MGAT4A: variants seen among roughly 807,000 people sequenced by gnomAD.
The protein encoded by MGAT4A is N-acetylglucosaminyltransferase IVa.
A neutral mutation model predicts 74.1 loss-of-function variants in MGAT4A; 33 were observed. The observed-to-expected ratio is 0.45, with a 90% confidence interval of 0.34 to 0.60. The LOEUF is 0.60. Ranked by LOEUF, MGAT4A falls within the 20% of genes least tolerant of loss-of-function variation. MGAT4A has a pLI of 0.02. For synonymous variants in MGAT4A, 198 were observed against 210.4 expected, an observed-to-expected ratio of 0.94 and a Z score of 0.51; for missense variants, 479 against 628.3, an observed-to-expected ratio of 0.76 and a Z score of 2.54.
rs764361186 is a variant in MGAT4A, at chr2:98,635,268, G to T, written c.1422C>A (p.Ser474Arg). Residue 474 changes from serine (S) to arginine (R), a missense_variant, in exon 14 of 16, where the codon AGC becomes AGA. By Grantham distance (110) the Ser-to-Arg change is moderately radical. Around this residue, in one of 3 missense-constraint regions of MGAT4A, gnomAD observed 236 missense variants for 308.2 expected, o/e 0.77. Transcript: ENST00000393487. ...LPFKSEGLEI[S>R]KETKDKRLED... ...CTAATCGTTTGTCTTTGGTTTCTTT[G>T]CTTATTTCCAAACCTTCACTCTAAA... 40 of 1,608,080 alleles carry T rather than the reference G, an allele frequency of 2.5e-5. 1 individual carries two copies. In the South Asian group the frequency reaches 4.3e-4, roughly 17 times the overall value.
At chr2:98,685,714 C>A (rs1702119729) in intron 2 of MGAT4A, among the ~76,000 whole-genome samples, 1 of 152,094 alleles carries the variant, frequency 6.6e-6, no homozygotes, top group South Asian at 2.1e-4. Flanking sequence ...CTCATTGTTT[C>A]CTGAATTTAT....
At chr2:98,686,342 G>A (rs1250300097) in intron 2 of MGAT4A, among the ~76,000 whole-genome samples, 1 of 152,038 alleles carries the variant, frequency 6.6e-6, no homozygotes, top group Non-Finnish European at 1.5e-5. Context: ...TACCAAATCG[G>A]CTATGGTTGA....
chr2:98,679,431 A>C (rs1289066175), intron 2 of MGAT4A, among the ~76,000 whole-genome samples: 2 of 88,806 alleles, frequency 2.3e-5, no homozygotes, highest in Non-Finnish European at 6.2e-5. Flanking sequence ...AAAAAAAAAG[A>C]GACCAGCCTA....
intron 6 of MGAT4A, 81 bp downstream of exon 6, chr2:98,658,137 G>T: frequency 2.4e-6 from 2 of 850,912 alleles, no homozygotes; most frequent in South Asian, 3.1e-5. Flanking sequence ...AACTATCAAG[G>T]AAGGCATTTT....
chr2:98,711,581 T>C (rs1219991785), intron 2 of MGAT4A, among the ~76,000 whole-genome samples: 2 of 152,218 alleles, frequency 1.3e-5, no homozygotes, highest in African/African-American at 4.8e-5. Flanking sequence ...ATATTTGTGC[T>C]TGTTTTTATA....
chr2:98,634,360 C>T (rs898481386), intron 14 of MGAT4A, among the ~76,000 whole-genome samples: 1 of 152,108 alleles, frequency 6.6e-6, no homozygotes, highest in Non-Finnish European at 1.5e-5. Flanking sequence ...TCATTTCAGG[C>T]AGAGAAAATG....
intron 2 of MGAT4A, among the ~76,000 whole-genome samples, chr2:98,692,395 C>A (rs960449857): frequency 1.3e-5 from 2 of 152,124 alleles, no homozygotes; most frequent in Admixed American, 6.5e-5. Flanking sequence ...TGAGCCACTA[C>A]CCCTAGCCAG....
At position 98,663,935 on chromosome 2, in the gene MGAT4A, C is replaced by G. The variant is rs541606417; in HGVS notation, c.404-756G>C. ...CATATGAAAACTTTGTGACCAGGCA[C>G]AGTGGTTCACGCCTGTAATCCCAGC... On this transcript the variant is annotated intron_variant, in intron 4 of 15. Transcript: ENST00000393487. Among the ~76,000 whole-genome samples, 8 of 152,218 alleles carry G rather than the reference C, an allele frequency of 5.3e-5. No homozygotes were observed. In the South Asian group the frequency reaches 1.7e-3, roughly 32 times the overall value.
At chr2:98,676,806 TGAA>T (rs1701981545) in intron 3 of MGAT4A, among the ~76,000 whole-genome samples, 1 of 152,192 alleles carries the variant, frequency 6.6e-6, no homozygotes, top group Non-Finnish European at 1.5e-5. Flanking sequence ...ATAACAATTT[TGAA>T]GAAAAACATT....
intron 5 of MGAT4A, among the ~76,000 whole-genome samples, chr2:98,661,178 T>C (rs1464784380): frequency 2.0e-5 from 3 of 152,140 alleles, no homozygotes; most frequent in African/African-American, 7.2e-5. Context: ...CTGCTAATCA[T>C]TAGGGAAATG....
At chr2:98,707,892 A>G (rs1038537204) in intron 2 of MGAT4A, among the ~76,000 whole-genome samples, 5 of 152,182 alleles carry the variant, frequency 3.3e-5, no homozygotes, top group Non-Finnish European at 7.4e-5. Context: ...CCAAACAGTG[A>G]GACATCTGTT....
chr2:98,676,990 G>T (rs1241739719), intron 3 of MGAT4A, among the ~76,000 whole-genome samples: 2 of 152,190 alleles, frequency 1.3e-5, no homozygotes, highest in East Asian at 1.9e-4. Context: ...TATAAATAAG[G>T]TGAGGCAGTG....
Position 98,658,217 on chromosome 2 carries a change from C to G in MGAT4A, c.584+1G>C. 1 of 1,564,636 alleles carries G rather than the reference C, an allele frequency of 6.4e-7. No individual in the cohort carries two copies. The highest frequency in any genetic ancestry group is 8.7e-7 in the Non-Finnish European group (1 of 1,145,994). Reference sequence around the variant, plus strand: ...TATGTTTATAATTAAGAAGAACTTACTCTTTCTCCAGGTTGGCTACAACAC... The same window carrying G: ...TATGTTTATAATTAAGAAGAACTTAGTCTTTCTCCAGGTTGGCTACAACAC... On this transcript the variant is annotated splice_donor_variant, in intron 6 of 15. Transcript: ENST00000393487. LOFTEE classifies it high-confidence loss of function.
chr2:98,623,264 T>C lies in MGAT4A; in HGVS notation c.*2302A>G. On this transcript the variant is annotated 3_prime_UTR_variant, in exon 16 of 16. Coordinates refer to ENST00000393487, the MANE Select transcript of MGAT4A (RefSeq NM_012214.3). ...ACCAATGCTGGGAGGGCAAACTGCATGAAAACAGGAAAAAGCTAGCCAGGC... is the reference window on the plus strand; with the variant it reads ...ACCAATGCTGGGAGGGCAAACTGCACGAAAACAGGAAAAAGCTAGCCAGGC... 2 of 985,412 alleles carry C rather than the reference T, an allele frequency of 2.0e-6. No homozygotes were observed. Among genetic ancestry groups the C allele is most frequent in the African/African-American group, 1.7e-5 (1 of 57,352 alleles). The allele number at this position is 985,412 out of a possible 1,614,324, so 61.0% of individuals were successfully genotyped here. A position where few individuals can be genotyped will look rare whatever the true frequency, so the allele number is the denominator to read the frequency against.
intron 1 of MGAT4A, among the ~76,000 whole-genome samples, chr2:98,730,577 G>T (rs1333364343): frequency 2.9e-5 from 4 of 136,470 alleles, no homozygotes; most frequent in Non-Finnish European, 6.3e-5. Flanking sequence ...CGAAAGCGCC[G>T]ACTCCCGCGC....
At chr2:98,716,131 CAACACAGTGAGACCCTGTCTCTACA>C (rs1449138916) in intron 2 of MGAT4A, among the ~76,000 whole-genome samples, 1 of 152,120 alleles carries the variant, frequency 6.6e-6, no homozygotes, top group Non-Finnish European at 1.5e-5. Context: ...CCAGCCTGGA[CAACACAGTGAGACCCTGTCTCTACA>C]AAAAATTTTT....
intron 2 of MGAT4A, among the ~76,000 whole-genome samples, chr2:98,721,877 G>A (rs1702677355): frequency 6.6e-6 from 1 of 152,074 alleles, no homozygotes; most frequent in South Asian, 2.1e-4. Flanking sequence ...AAAATCAGAT[G>A]ACAGAAATGA....
At chr2:98,685,913 GT>G (rs1282630179) in intron 2 of MGAT4A, among the ~76,000 whole-genome samples, 1 of 152,140 alleles carries the variant, frequency 6.6e-6, no homozygotes, top group Non-Finnish European at 1.5e-5. Context: ...CCTCGGGGTA[GT>G]TCTAGACTCG....
Position 98,622,706 on chromosome 2 carries a change from G to C in MGAT4A, c.*2860C>G. ...GAGGCCCTGAGCACCCACCATAGGA[G>C]AGGACAGATGAGCAGTATGAGCTGC... On this transcript the variant is annotated 3_prime_UTR_variant, in exon 16 of 16. Transcript: ENST00000393487. 1.0e-6 allele frequency: 1 copy of C among 985,746 alleles called. No homozygotes were observed. Among genetic ancestry groups the C allele is most frequent in the Non-Finnish European group, 1.2e-6 (1 of 830,172 alleles). 61.1% of individuals were successfully genotyped at this position (985,746 alleles called of 1,614,324 possible).
Sources: allele counts gnomAD v4.1 joint callset (sites outside exome capture counted in the v4.1 genomes callset), GRCh38; gene constraint gnomAD v4.1.1; regional missense constraint gnomAD v4.1.1; transcripts MANE v1.5; gene names NCBI Gene and HGNC (gene_info 2026-07-23, HGNC 2026-07-21).